PRKG1: variants seen among roughly 807,000 people sequenced by gnomAD.
PRKG1 encodes cGMP-dependent protein kinase 1.
Under a neutral mutation model 88.1 loss-of-function variants are expected in PRKG1, and 35 were observed. The observed-to-expected ratio is 0.40, with a 90% confidence interval of 0.30 to 0.53. The LOEUF is 0.53. Ranked by LOEUF, PRKG1 falls within the 20% of genes least tolerant of loss-of-function variation. The probability of loss-of-function intolerance (pLI) is 0.59; values close to 1 mark genes in which losing one functional copy is unlikely to be tolerated. For synonymous variants in PRKG1, 303 were observed against 292.5 expected (o/e 1.04, Z -0.37); for missense variants, 540 against 839.8 (o/e 0.64, Z 4.41).
intron 8 of PRKG1, among the ~76,000 whole-genome samples, chr10:52,148,095 A>G (rs1028467586): frequency 6.6e-6 from 1 of 152,238 alleles, no homozygotes; most frequent in Admixed American, 6.5e-5. Flanking sequence ...TCTAATAAAA[A>G]TCAGACTCCT....
chr10:51,514,366 G>T (rs1841514062), intron 3 of PRKG1, among the ~76,000 whole-genome samples: 1 of 152,084 alleles, frequency 6.6e-6, no homozygotes, highest in Non-Finnish European at 1.5e-5. Context: ...ACTTAAATGT[G>T]TACCCTTTGT....
intron 9 of PRKG1, among the ~76,000 whole-genome samples, chr10:52,166,618 A>G (rs1293855406): frequency 6.7e-6 from 1 of 149,514 alleles, no homozygotes; most frequent in East Asian, 2.0e-4. Flanking sequence ...ATAAAATTTT[A>G]TCTCTATATT....
chr10:52,119,949 TAGACAGACAGAGAC>T (rs1302460342), intron 7 of PRKG1, among the ~76,000 whole-genome samples: 2 of 148,988 alleles, frequency 1.3e-5, no homozygotes, highest in African/African-American at 5.0e-5. Context: ...GAGACAGAGA[TAGACAGACAGAGAC>T]AGAGAGAGAC....
At chr10:51,659,854 A>G (rs953543132) in intron 3 of PRKG1, among the ~76,000 whole-genome samples, 3 of 152,072 alleles carry the variant, frequency 2.0e-5, no homozygotes, top group Non-Finnish European at 4.4e-5. Flanking sequence ...AGCAGTGCTG[A>G]CCAGTAGAAA....
intron 8 of PRKG1, among the ~76,000 whole-genome samples, chr10:52,156,424 G>A (rs941808962): frequency 2.6e-5 from 4 of 151,696 alleles, no homozygotes; most frequent in African/African-American, 9.7e-5. Flanking sequence ...TATTCCTTTT[G>A]CATAATCCAC....
chr10:51,477,429 GAGA>G (rs1256468958), intron 3 of PRKG1, among the ~76,000 whole-genome samples: 5 of 151,662 alleles, frequency 3.3e-5, no homozygotes, highest in Non-Finnish European at 7.4e-5. Flanking sequence ...CAAAATTAAA[GAGA>G]AGAATAGTTC....
chr10:52,157,254 T>G lies in PRKG1; in HGVS notation c.1002-4635T>G, dbSNP rs1303690749. 2.7e-5 allele frequency among the ~76,000 whole-genome samples: 4 copies of G among 147,434 alleles called. No homozygotes were observed. The East Asian group carries it at 8.0e-4, about 29-fold the overall frequency. Reference sequence around the variant, plus strand: ...ATATATATATACATGCACATATATATGTTGTGTATATATACACATATATAC... The same window carrying G: ...ATATATATATACATGCACATATATAGGTTGTGTATATATACACATATATAC... On this transcript the variant is annotated intron_variant, in intron 8 of 17. Transcript: ENST00000373980.
intron 5 of PRKG1, among the ~76,000 whole-genome samples, chr10:51,952,498 C>T (rs1843208009): frequency 6.6e-6 from 1 of 152,136 alleles, no homozygotes; most frequent in Admixed American, 6.6e-5. Context: ...GTATAAAAAC[C>T]TAACTCATCA....
chr10:52,075,735 A>G (rs749959156), intron 7 of PRKG1, among the ~76,000 whole-genome samples: 3 of 152,194 alleles, frequency 2.0e-5, no homozygotes, highest in African/African-American at 4.8e-5. Flanking sequence ...AACATTGTCA[A>G]GTTCTATTGA....
intron 3 of PRKG1, among the ~76,000 whole-genome samples, chr10:51,797,138 T>C (rs942168547): frequency 6.0e-5 from 9 of 150,650 alleles, no homozygotes; most frequent in African/African-American, 2.2e-4. Flanking sequence ...TGCCTGCTTA[T>C]GGAATTTGAA....
At chr10:51,087,905 C>T (rs1322064386) in intron 1 of PRKG1, among the ~76,000 whole-genome samples, 2 of 152,176 alleles carry the variant, frequency 1.3e-5, no homozygotes, top group African/African-American at 2.4e-5. Flanking sequence ...GCTGGAATTA[C>T]AGGTGCATGG....
chr10:51,775,268 C>G (rs1838404551), intron 3 of PRKG1, among the ~76,000 whole-genome samples: 1 of 152,030 alleles, frequency 6.6e-6, no homozygotes, highest in Non-Finnish European at 1.5e-5. Context: ...TGTTTTAGTG[C>G]ACAAATACTA....
At chr10:51,710,916 G>T (rs921550773) in intron 3 of PRKG1, among the ~76,000 whole-genome samples, 1 of 151,994 alleles carries the variant, frequency 6.6e-6, no homozygotes, top group African/African-American at 2.4e-5. Context: ...CCAGGGTCTC[G>T]AACTCGTGGC....
intron 3 of PRKG1, among the ~76,000 whole-genome samples, chr10:51,790,104 T>C (rs540290713): frequency 6.6e-6 from 1 of 152,294 alleles, no homozygotes; most frequent in South Asian, 2.1e-4. Context: ...ATTACAGGCG[T>C]CAGCCACCAC....
At chr10:51,271,449 GTCCTA>G in intron 2 of PRKG1, among the ~76,000 whole-genome samples, 1 of 152,136 alleles carries the variant, frequency 6.6e-6, no homozygotes, top group Non-Finnish European at 1.5e-5. Flanking sequence ...AAAAAGTTTT[GTCCTA>G]TAAATTGAGA....
At chr10:51,366,817 T>C (rs988271739) in intron 2 of PRKG1, among the ~76,000 whole-genome samples, 2 of 151,988 alleles carry the variant, frequency 1.3e-5, no homozygotes, top group Non-Finnish European at 2.9e-5. Flanking sequence ...TCTCTCATTA[T>C]TTTAACAGAA....
At chr10:51,225,367 G>T (rs1185298584) in intron 2 of PRKG1, among the ~76,000 whole-genome samples, 1 of 152,140 alleles carries the variant, frequency 6.6e-6, no homozygotes, top group Non-Finnish European at 1.5e-5. Flanking sequence ...TAAGGGTTAG[G>T]ATTCCAGCAT....
At chr10:51,628,891 G>A (rs1302150537) in intron 3 of PRKG1, among the ~76,000 whole-genome samples, 1 of 150,968 alleles carries the variant, frequency 6.6e-6, no homozygotes, top group Non-Finnish European at 1.5e-5. Flanking sequence ...CCCGGGAAGC[G>A]GAGCTTGCAG....
chr10:51,958,004 T>C (rs1843354796), intron 5 of PRKG1, among the ~76,000 whole-genome samples: 1 of 152,156 alleles, frequency 6.6e-6, no homozygotes, highest in Admixed American at 6.6e-5. Context: ...CAAAGTAGAG[T>C]ATCATTGATA....
Sources: allele counts gnomAD v4.1 joint callset (sites outside exome capture counted in the v4.1 genomes callset), GRCh38; gene constraint gnomAD v4.1.1; transcripts MANE v1.5; gene names NCBI Gene and HGNC (gene_info 2026-07-23, HGNC 2026-07-21).